The following FAM135B variants were observed in gnomAD, a reference collection of about 807,000 sequenced individuals.
FAM135B encodes the protein family with sequence similarity 135 member B.
Under a neutral mutation model 127.7 loss-of-function variants are expected in FAM135B, and 43 were observed. The ratio of observed to expected loss-of-function variants is 0.34; its 90% CI spans 0.26 to 0.43. The LOEUF is 0.43. Ranked by LOEUF, FAM135B falls within the 20% of genes least tolerant of loss-of-function variation. FAM135B has a pLI of 1.00. For synonymous variants in FAM135B, 670 were observed against 665.1 expected (o/e 1.01, Z -0.11); for missense variants, 1,558 against 1,725.6 (o/e 0.90, Z 1.72).
chr8:138,278,590 G>C (rs1243497134), intron 3 of FAM135B, among the ~76,000 whole-genome samples: 1 of 103,764 alleles, frequency 9.6e-6, no homozygotes, highest in Non-Finnish European at 1.8e-5. Context: ...TTGAGGCAGA[G>C]TCTTGCTCTG....
chr8:138,302,129 GAA>G (rs1563875095), intron 3 of FAM135B, among the ~76,000 whole-genome samples: 17 of 50,850 alleles, frequency 3.3e-4, no homozygotes, highest in African/African-American at 9.9e-4. Context: ...CCACATGAAG[GAA>G]GTGTTATTAT....
At chr8:138,417,286 T>C (rs953147506) in intron 1 of FAM135B, among the ~76,000 whole-genome samples, 7 of 152,148 alleles carry the variant, frequency 4.6e-5, no homozygotes, top group Non-Finnish European at 8.8e-5. Context: ...CAACACAGCC[T>C]CAGCTGCCCA....
At chr8:138,434,712 T>G (rs1050015490) in intron 1 of FAM135B, among the ~76,000 whole-genome samples, 1 of 152,188 alleles carries the variant, frequency 6.6e-6, no homozygotes, top group African/African-American at 2.4e-5. Flanking sequence ...GGACACTGCA[T>G]TAACAGTGGA....
chr8:138,342,345 C>A lies in FAM135B; in HGVS notation c.77+25562G>T, dbSNP rs144173653. Among the ~76,000 whole-genome samples, 37 of 151,936 alleles carry A rather than the reference C, an allele frequency of 2.4e-4. No individual in the cohort carries two copies. In the East Asian group the frequency reaches 7.3e-3, roughly 30 times the overall value. On this transcript the variant is annotated intron_variant, in intron 2 of 19. Coordinates refer to ENST00000395297, the MANE Select transcript of FAM135B (RefSeq NM_015912.4). The stretch of plus-strand genomic sequence containing the variant: ...ACACAAAGTAATTAAGGACTCATCC[C>A]AGAACCTCCTCATCTCCCCAGCAGT...
chr8:138,208,969 C>T (rs775496445), intron 7 of FAM135B, among the ~76,000 whole-genome samples: 1 of 152,106 alleles, frequency 6.6e-6, no homozygotes. Flanking sequence ...ACCTATGATA[C>T]ATGTTGCATG....
At chr8:138,265,595 T>G (rs1226388722) in intron 4 of FAM135B, 108 bp downstream of exon 4, 29 of 1,284,350 alleles carry the variant, frequency 2.3e-5, no homozygotes, top group Non-Finnish European at 2.9e-5. Context: ...CTCTGTCAGA[T>G]TTCAAAGTAA....
intron 12 of FAM135B, among the ~76,000 whole-genome samples, chr8:138,157,736 A>G (rs76116171): frequency 0.69 from 105,561 of 152,094 alleles, 36,694 homozygotes; most frequent in East Asian, 0.79. Flanking sequence ...AATCCAACTT[A>G]CAAGGGACAT....
chr8:138,314,294 C>G (rs1386726360), intron 2 of FAM135B, among the ~76,000 whole-genome samples: 1 of 152,132 alleles, frequency 6.6e-6, no homozygotes, highest in East Asian at 1.9e-4. Flanking sequence ...CCCTCTATTT[C>G]CCCCAGGAAC....
chr8:138,417,467 G>C (rs558413406), intron 1 of FAM135B, among the ~76,000 whole-genome samples: 1 of 152,044 alleles, frequency 6.6e-6, no homozygotes, highest in Non-Finnish European at 1.5e-5. Context: ...GTGCTCACTC[G>C]CCCACAATCT....
At position 138,471,949 on chromosome 8, in the gene FAM135B, T is replaced by C. The variant is rs192206760; in HGVS notation, c.-20+24722A>G. Among the ~76,000 whole-genome samples the C allele has an allele frequency of 5.9e-5, 9 of 152,236 alleles. No homozygotes were observed. The East Asian group carries it at 1.7e-3, about 29-fold the overall frequency. On this transcript the variant is annotated intron_variant, in intron 1 of 19. Transcript: ENST00000395297. ...TTCACAGAAGGAAGACATGGTCAAC[T>C]TGGTCACCATGCAAAGGGGCATCCT...
At chr8:138,372,684 C>G (rs1831213504) in intron 1 of FAM135B, among the ~76,000 whole-genome samples, 1 of 152,114 alleles carries the variant, frequency 6.6e-6, no homozygotes, top group Non-Finnish European at 1.5e-5. Flanking sequence ...CATGTAATAA[C>G]CTTTCAATAC....
intron 7 of FAM135B, among the ~76,000 whole-genome samples, chr8:138,228,514 G>A (rs1489912474): frequency 1.3e-5 from 2 of 152,076 alleles, no homozygotes; most frequent in African/African-American, 4.8e-5. Flanking sequence ...CTATGTTAAA[G>A]AATACAAGGA....
intron 6 of FAM135B, among the ~76,000 whole-genome samples, chr8:138,244,828 A>C (rs554612784): frequency 6.6e-6 from 1 of 152,308 alleles, no homozygotes; most frequent in Admixed American, 6.5e-5. Flanking sequence ...AGTGAAATCC[A>C]ATCATATCCA....
intron 1 of FAM135B, among the ~76,000 whole-genome samples, chr8:138,467,998 A>G (rs976770759): frequency 1.3e-5 from 2 of 152,214 alleles, no homozygotes; most frequent in African/African-American, 4.8e-5. Context: ...AATGATCTAG[A>G]AAAATATGCA....
At chr8:138,387,549 T>C (rs113099980) in intron 1 of FAM135B, among the ~76,000 whole-genome samples, 14 of 152,272 alleles carry the variant, frequency 9.2e-5, no homozygotes, top group African/African-American at 2.2e-4. Context: ...CATTCTCCCA[T>C]TGGACTTTGA....
At chr8:138,446,468 T>C (rs1400427180) in intron 1 of FAM135B, among the ~76,000 whole-genome samples, 1 of 152,014 alleles carries the variant, frequency 6.6e-6, no homozygotes, top group Non-Finnish European at 1.5e-5. Context: ...TATAGACCAA[T>C]GGAACAGAAC....
At chr8:138,371,763 T>G (rs144291544) in intron 1 of FAM135B, among the ~76,000 whole-genome samples, 2 of 152,162 alleles carry the variant, frequency 1.3e-5, no homozygotes, top group Non-Finnish European at 2.9e-5. Context: ...ACCGGCACCA[T>G]GTGCACACAC....
chr8:138,297,457 T>C (rs968280755), intron 3 of FAM135B, among the ~76,000 whole-genome samples: 1 of 152,184 alleles, frequency 6.6e-6, no homozygotes, highest in Non-Finnish European at 1.5e-5. Flanking sequence ...CTAAAATAGG[T>C]CTTCACTGTA....
In FAM135B at chr8:138,191,911, T is replaced by G. The variant is rs182254469; in HGVS notation, c.873+3347A>C. On this transcript the variant is annotated intron_variant, in intron 9 of 19. Coordinates refer to ENST00000395297, the MANE Select transcript of FAM135B (RefSeq NM_015912.4). The stretch of plus-strand genomic sequence containing the variant: ...ATTTACTGCACAGGGCCAGACCTCA[T>G]GGACTTCATCTCTATTCCCTGCACC... 2.6e-5 allele frequency among the ~76,000 whole-genome samples: 4 copies of G among 152,318 alleles called. No homozygotes were observed. The East Asian group carries it at 7.7e-4, about 29-fold the overall frequency.
Sources: gnomAD v4.1 joint callset for allele counts (sites outside exome capture counted in the v4.1 genomes callset) on GRCh38, gnomAD v4.1.1 for gene constraint, MANE v1.5 for transcripts, NCBI Gene and HGNC (gene_info 2026-07-23, HGNC 2026-07-21) for gene names.